Variants in CSMD1 observed in about 807,000 individuals in gnomAD.
The protein encoded by CSMD1 is CUB and sushi domain-containing protein 1.
In CSMD1, 213 loss-of-function variants were observed where a neutral mutation model predicts 417.5. The observed-to-expected ratio is 0.51, with a 90% CI of 0.46 to 0.57. The LOEUF (loss-of-function observed/expected upper bound fraction) is 0.57. CSMD1 is among the 20% of genes least tolerant of loss of function. CSMD1 has a pLI of 0.00. For synonymous variants in CSMD1, 2,862 were observed against 1,736.8 expected, an observed-to-expected ratio of 1.65 and a Z score of -16.11; for missense variants, 6,923 against 4,529.7, an observed-to-expected ratio of 1.53 and a Z score of -15.17.
At chr8:4,106,649 T>A (rs1011784735) in intron 3 of CSMD1, among the ~76,000 whole-genome samples, 4 of 152,228 alleles carry the variant, frequency 2.6e-5, no homozygotes, top group Non-Finnish European at 4.4e-5. Context: ...TGTTGATAGG[T>A]ATTCACTATA....
intron 2 of CSMD1, among the ~76,000 whole-genome samples, chr8:4,477,247 G>A (rs6995921): frequency 1.3e-5 from 2 of 152,170 alleles, no homozygotes; most frequent in South Asian, 2.1e-4. Flanking sequence ...CCTAGGGCTA[G>A]AGCCACTGCA....
In CSMD1 at chr8:4,450,634, G is replaced by GA. The variant is rs201442221; in HGVS notation, c.303-30570dup. Among the ~76,000 whole-genome samples the GA allele has an allele frequency of 5.2e-3, 791 of 151,422 alleles. 2 individuals carry two copies. The highest frequency in any genetic ancestry group is 0.018 in the African/African-American group (753 of 41,330). ...AACAGAGTGACACTCAGTCTCCAAA[G>GA]AAAAAAAAATTTGGTACTTTGATGC... On this transcript the variant is annotated intron_variant, in intron 2 of 69. Transcript: ENST00000635120.
rs542470485 is a variant in CSMD1 at position 4,014,486 on chromosome 8, G to C, written c.611-16376C>G. Among the ~76,000 whole-genome samples, 23 of 152,230 alleles carry C rather than the reference G, an allele frequency of 1.5e-4. No individual in the cohort carries two copies. In the East Asian group the frequency reaches 2.1e-3, roughly 14 times the overall value. The stretch of plus-strand genomic sequence containing the variant: ...AAGAAGCTTTTTAGACATTGAGTTG[G>C]CTTCTTTTGATGTCTGTTCCCCCTT... On this transcript the variant is annotated intron_variant, in intron 4 of 69. Coordinates refer to ENST00000635120, the MANE Select transcript of CSMD1 (RefSeq NM_033225.6).
chr8:4,246,929 G>C (rs575738027), intron 3 of CSMD1, among the ~76,000 whole-genome samples: 1 of 152,286 alleles, frequency 6.6e-6, no homozygotes, highest in East Asian at 1.9e-4. Flanking sequence ...CTTTGTAAGA[G>C]AGAATGTAGA....
intron 10 of CSMD1, among the ~76,000 whole-genome samples, chr8:3,546,254 A>AG (rs1690022963): frequency 7.1e-6 from 1 of 140,376 alleles, no homozygotes; most frequent in Admixed American, 7.2e-5. Flanking sequence ...TGGCCACGTG[A>AG]ATTTTTCCTC....
chr8:4,599,533 A>G (rs1585311151), intron 2 of CSMD1, among the ~76,000 whole-genome samples: 1 of 152,156 alleles, frequency 6.6e-6, no homozygotes, highest in East Asian at 1.9e-4. Flanking sequence ...CACTAAGTGC[A>G]CAATATATAA....
chr8:3,807,003 G>A (rs937492369), intron 5 of CSMD1, among the ~76,000 whole-genome samples: 2 of 152,112 alleles, frequency 1.3e-5, no homozygotes, highest in Non-Finnish European at 2.9e-5. Flanking sequence ...GATAAAACTG[G>A]CTAGAGGGCT....
At position 4,957,068 on chromosome 8, in the gene CSMD1, G is replaced by A. The variant is rs548266706; in HGVS notation, c.85+37264C>T. Among the ~76,000 whole-genome samples the A allele has an allele frequency of 3.8e-4, 58 of 152,322 alleles. 2 individuals are homozygous for A. In the Middle Eastern group the frequency reaches 0.017, roughly 45 times the overall value. On this transcript the variant is annotated intron_variant, in intron 1 of 69. Coordinates refer to ENST00000635120, the MANE Select transcript of CSMD1 (RefSeq NM_033225.6). Reference sequence around the variant, plus strand: ...AGAGGAAACACATTAATTTGAGACTGTTGCCAGATATGCTAGAAGTATGAA... The same window carrying A: ...AGAGGAAACACATTAATTTGAGACTATTGCCAGATATGCTAGAAGTATGAA...
intron 33 of CSMD1, among the ~76,000 whole-genome samples, chr8:3,193,327 T>C (rs543547511): frequency 6.6e-6 from 1 of 152,288 alleles, no homozygotes; most frequent in East Asian, 1.9e-4. Context: ...TGCATCTGGA[T>C]AACAAGACGA....
At chr8:4,311,766 TAG>T in intron 3 of CSMD1, among the ~76,000 whole-genome samples, 1 of 144,620 alleles carries the variant, frequency 6.9e-6, no homozygotes, top group East Asian at 2.1e-4. Flanking sequence ...TGAGAGTTCA[TAG>T]AGGGGAACAC....
chr8:3,928,400 A>G (rs746987032), intron 5 of CSMD1, among the ~76,000 whole-genome samples: 4 of 152,216 alleles, frequency 2.6e-5, no homozygotes, highest in South Asian at 2.1e-4. Context: ...TAGCAGTGAA[A>G]TATCAGCACA....
At chr8:4,237,446 A>T (rs1235019709) in intron 3 of CSMD1, among the ~76,000 whole-genome samples, 1 of 152,186 alleles carries the variant, frequency 6.6e-6, no homozygotes, top group Non-Finnish European at 1.5e-5. Flanking sequence ...GTATACCCTA[A>T]ACGGTAAGAG....
chr8:3,157,807 T>C (rs1229178420), intron 39 of CSMD1, 90 bp downstream of exon 39: 1 of 1,047,652 alleles, frequency 9.5e-7, no homozygotes, highest in Non-Finnish European at 1.4e-6. Flanking sequence ...TTAAGAAATT[T>C]AGAAGTGCAT....
intron 3 of CSMD1, among the ~76,000 whole-genome samples, chr8:4,280,533 C>T (rs1274792679): frequency 6.6e-6 from 1 of 152,166 alleles, no homozygotes. Flanking sequence ...GTTTACAGTG[C>T]CCACATTTGC....
intron 40 of CSMD1, among the ~76,000 whole-genome samples, chr8:3,148,160 G>C (rs1424938194): frequency 2.0e-5 from 3 of 152,102 alleles, no homozygotes; most frequent in East Asian, 1.9e-4. Context: ...CAACATGAGA[G>C]ATCAAAAAGG....
intron 3 of CSMD1, among the ~76,000 whole-genome samples, chr8:4,307,367 G>A (rs930973316): frequency 6.6e-6 from 1 of 152,106 alleles, no homozygotes; most frequent in Non-Finnish European, 1.5e-5. Flanking sequence ...GAGAGGTGGT[G>A]GAGCACAGCT....
At position 2,974,531 on chromosome 8, in the gene CSMD1, C is replaced by T. The variant is rs758131196; in HGVS notation, c.8660G>A (p.Gly2887Glu). The T allele has an allele frequency of 5.0e-6, 8 of 1,613,476 alleles. No homozygotes were observed. The highest frequency in any genetic ancestry group is 1.6e-4 in the Middle Eastern group (1 of 6,084). ...YGAVVHYSCR[G>E]SESLIGNDTR... ...GTCGTTGCCTATGAGGCTCTCGCTC[C>T]CTCTGCAGGAGTAGTGCACGACGGC... Residue 2887 changes from glycine (G) to glutamate (E), a missense_variant, in exon 56 of 70, where the codon GGG (glycine) becomes GAG (glutamate). Transcript: ENST00000635120.
chr8:4,128,772 A>G (rs3902139), intron 3 of CSMD1, among the ~76,000 whole-genome samples: 67,281 of 151,810 alleles, frequency 0.44, 15,062 homozygotes, highest in African/African-American at 0.47. Context: ...CCCACACACC[A>G]TCAACTCATC....
chr8:4,017,263 T>G (rs930592198), intron 4 of CSMD1, among the ~76,000 whole-genome samples: 4 of 152,188 alleles, frequency 2.6e-5, no homozygotes, highest in Non-Finnish European at 4.4e-5. Context: ...GCTATGCAAT[T>G]CATCTTCTCA....
Sources: allele counts gnomAD v4.1 joint callset (sites outside exome capture counted in the v4.1 genomes callset), GRCh38; gene constraint gnomAD v4.1.1; transcripts MANE v1.5; gene names NCBI Gene and HGNC (gene_info 2026-07-23, HGNC 2026-07-21).